PICALM: variants seen among roughly 807,000 people sequenced by gnomAD.
PICALM encodes the protein phosphatidylinositol-binding clathrin assembly protein.
Under a neutral mutation model 80.5 loss-of-function variants are expected in PICALM, and 40 were observed. That is an observed-to-expected ratio of 0.50 (90% CI 0.39 to 0.65). PICALM has a LOEUF of 0.65. Among genes scored for constraint, PICALM ranks in the 30% least tolerant of loss-of-function variants. PICALM has a pLI of 0.00. For missense variants in PICALM, 676 were observed against 778.9 expected, an observed-to-expected ratio of 0.87 and a Z score of 1.57; for synonymous variants, 288 against 260.3, an observed-to-expected ratio of 1.11 and a Z score of -1.02.
chr11:85,999,791 G>C (rs998002117), intron 11 of PICALM, among the ~76,000 whole-genome samples: 8 of 152,174 alleles, frequency 5.3e-5, no homozygotes, highest in African/African-American at 1.9e-4. Context: ...ACTCTCTATG[G>C]AACATTTAAC....
chr11:85,979,261 G>A (rs1018917207), intron 17 of PICALM, among the ~76,000 whole-genome samples: 1 of 152,022 alleles, frequency 6.6e-6, no homozygotes, highest in African/African-American at 2.4e-5. Context: ...AGGCTGAGGC[G>A]GGTGGATCAC....
At position 85,976,661 on chromosome 11, in the gene PICALM, G is replaced by C; in HGVS notation, c.1801C>G (p.Pro601Ala). Residue 601 changes from proline (P) to alanine (A), a missense_variant, in exon 18 of 20, where the codon CCT becomes GCT. Transcript: ENST00000393346. ...ATMAPPVMAY[P>A]ATTPTGMIGY... is the part of the protein sequence containing the mutation. ...ATCATGCCTGTTGGTGTAGTAGCAG[G>C]ATAGGCCATTACAGGGGGTGCCTAA... The C allele has an allele frequency of 6.2e-7, 1 of 1,602,502 alleles. No individual in the cohort carries two copies. Among genetic ancestry groups the C allele is most frequent in the Non-Finnish European group, 8.5e-7 (1 of 1,169,616 alleles).
chr11:86,013,527 G>C (rs1241491488), intron 5 of PICALM, among the ~76,000 whole-genome samples: 1 of 152,038 alleles, frequency 6.6e-6, no homozygotes, highest in Admixed American at 6.5e-5. Flanking sequence ...AAGAGACAGA[G>C]AGAGGAGAGA....
intron 1 of PICALM, among the ~76,000 whole-genome samples, chr11:86,043,256 C>T (rs1229319922): frequency 1.3e-5 from 2 of 152,186 alleles, no homozygotes; most frequent in African/African-American, 4.8e-5. Context: ...CTCCTTAAAA[C>T]ACAAACATGC....
intron 1 of PICALM, among the ~76,000 whole-genome samples, chr11:86,038,014 G>T (rs966049572): frequency 4.1e-4 from 62 of 152,288 alleles, no homozygotes; most frequent in African/African-American, 1.5e-3. Context: ...TGAGGAAGAG[G>T]TGGTACAAGA....
chr11:86,017,507 G>A (rs2095499525), intron 4 of PICALM, among the ~76,000 whole-genome samples: 3 of 152,098 alleles, frequency 2.0e-5, no homozygotes, highest in Admixed American at 2.0e-4. Context: ...TTCATTTGTT[G>A]AGTGTTTGTT....
chr11:86,056,912 A>G (rs1296298969), intron 1 of PICALM, among the ~76,000 whole-genome samples: 1 of 152,242 alleles, frequency 6.6e-6, no homozygotes, highest in East Asian at 1.9e-4. Context: ...GAAGCCAGGC[A>G]CAAAAGGCCA....
intron 8 of PICALM, 107 bp from the exon 9 acceptor site, chr11:86,003,558 C>T (rs971988079): frequency 3.7e-5 from 20 of 547,820 alleles, no homozygotes; most frequent in Non-Finnish European, 5.9e-5. Context: ...GTATGTTCTT[C>T]ATGTACTAAT....
chr11:86,065,565 G>C (rs975737976), intron 1 of PICALM, among the ~76,000 whole-genome samples: 3 of 152,162 alleles, frequency 2.0e-5, no homozygotes, highest in African/African-American at 7.2e-5. Flanking sequence ...CTCCAGCTGT[G>C]AGACAGGATT....
chr11:86,040,677 G>A (rs978313066), intron 1 of PICALM, among the ~76,000 whole-genome samples: 6 of 152,050 alleles, frequency 3.9e-5, no homozygotes, highest in African/African-American at 1.2e-4. Context: ...TTATATTTGG[G>A]GTTACCTTAC....
At chr11:86,008,169 T>C (rs2095316949) in intron 7 of PICALM, among the ~76,000 whole-genome samples, 1 of 152,162 alleles carries the variant, frequency 6.6e-6, no homozygotes, top group Non-Finnish European at 1.5e-5. Flanking sequence ...GCTCAGGCCC[T>C]AGGCAATTTC....
At chr11:86,033,229 A>AAC (rs890132921) in intron 1 of PICALM, among the ~76,000 whole-genome samples, 1 of 152,042 alleles carries the variant, frequency 6.6e-6, no homozygotes, top group Non-Finnish European at 1.5e-5. Context: ...TATACACACA[A>AAC]ACACACACAC....
At chr11:86,009,907 T>C (rs189710949) in intron 7 of PICALM, among the ~76,000 whole-genome samples, 1 of 152,344 alleles carries the variant, frequency 6.6e-6, no homozygotes, top group Admixed American at 6.5e-5. Context: ...AATTCAAAAT[T>C]AATTTCAGTA....
At chr11:86,021,961 T>C (rs571997456) in intron 4 of PICALM, among the ~76,000 whole-genome samples, 39 of 152,264 alleles carry the variant, frequency 2.6e-4, no homozygotes, top group African/African-American at 7.2e-4. Context: ...ATGTTCAGAA[T>C]AGACAAGCCC....
chr11:86,059,560 G>A (rs1363806550), intron 1 of PICALM, among the ~76,000 whole-genome samples: 1 of 152,158 alleles, frequency 6.6e-6, no homozygotes, highest in Admixed American at 6.5e-5. Flanking sequence ...CAGCACTTTG[G>A]GAGGCCAAGG....
chr11:86,039,569 A>ACT (rs1488355069), intron 1 of PICALM, among the ~76,000 whole-genome samples: 1 of 152,178 alleles, frequency 6.6e-6, no homozygotes, highest in Non-Finnish European at 1.5e-5. Flanking sequence ...TCATCTCATT[A>ACT]TCTGGTCTGT....
At chr11:86,062,417 C>T (rs1258392153) in intron 1 of PICALM, among the ~76,000 whole-genome samples, 1 of 151,796 alleles carries the variant, frequency 6.6e-6, no homozygotes, top group Non-Finnish European at 1.5e-5. Context: ...ATTTGGGAGG[C>T]TGAGGCAGGA....
chr11:86,021,498 G>GA lies in PICALM; in HGVS notation c.452+868dup, dbSNP rs59078727. Among the ~76,000 whole-genome samples, 391 of 113,300 alleles carry GA rather than the reference G, an allele frequency of 3.5e-3. 2 individuals are homozygous for GA. The highest frequency in any genetic ancestry group is 8.9e-3 in the African/African-American group (283 of 31,824). The allele number at this position is 113,300 out of a possible 152,430, so 74.3% of individuals were successfully genotyped here. On this transcript the variant is annotated intron_variant, in intron 4 of 19. Coordinates refer to ENST00000393346, the MANE Select transcript of PICALM (RefSeq NM_007166.4). ...ACCCACTAGGATGGCTACCATTTAA[G>GA]AAAAAAAAAAAAAGGCAAAAAAAAA...
At chr11:86,003,334 T>C (rs745433025) in intron 9 of PICALM, 32 bp downstream of exon 9, 2 of 1,342,244 alleles carry the variant, frequency 1.5e-6, no homozygotes, top group South Asian at 2.5e-5. Context: ...GAAAAATCAC[T>C]CTGGCTTTTT....
Sources: allele counts gnomAD v4.1 joint callset (sites outside exome capture counted in the v4.1 genomes callset), GRCh38; gene constraint gnomAD v4.1.1; transcripts MANE v1.5; gene names NCBI Gene and HGNC (gene_info 2026-07-23, HGNC 2026-07-21).